SDK1: variants seen among roughly 807,000 people sequenced by gnomAD.
SDK1 encodes sidekick cell adhesion molecule 1, also known as protein sidekick-1.
In SDK1, 157 loss-of-function variants were observed where a neutral mutation model predicts 245.5. That is an observed-to-expected ratio of 0.64 (90% confidence interval 0.56 to 0.73). The LOEUF (loss-of-function observed/expected upper bound fraction) is 0.73. SDK1 is among the 30% of genes least tolerant of loss of function. The pLI is 0.00. For missense variants in SDK1, 3,583 were observed against 3,002.3 expected (o/e 1.19, Z -4.52); for synonymous variants, 1,647 against 1,278.5 (o/e 1.29, Z -6.15).
intron 1 of SDK1, among the ~76,000 whole-genome samples, chr7:3,399,175 A>G (rs1298016174): frequency 6.6e-6 from 1 of 151,778 alleles, no homozygotes; most frequent in East Asian, 1.9e-4. Context: ...TCCTCAGACC[A>G]CATAATCTCA....
intron 5 of SDK1, among the ~76,000 whole-genome samples, chr7:3,941,825 G>T (rs887417507): frequency 4.6e-5 from 7 of 151,718 alleles, no homozygotes; most frequent in African/African-American, 1.5e-4. Context: ...ATAAGAGGCA[G>T]TTGTTACAGT....
rs368593218 is a variant in SDK1 at position 3,821,431 on chromosome 7, C to T, written c.714-19C>T. The T allele has an allele frequency of 4.5e-5, 72 of 1,609,684 alleles. No homozygotes were observed. The African/African-American group carries it at 8.4e-4, about 19-fold the overall frequency. ...TCCCTGGAGTAGCTTTGACACTGTC[C>T]TCTTCTTTTCTGAAACAGAGCCATC... On this transcript the variant is annotated intron_variant, in intron 4 of 44. Coordinates refer to ENST00000404826, the MANE Select transcript of SDK1 (RefSeq NM_152744.4).
At chr7:4,073,222 C>T (rs1387527119) in intron 20 of SDK1, among the ~76,000 whole-genome samples, 2 of 152,142 alleles carry the variant, frequency 1.3e-5, no homozygotes, top group African/African-American at 4.8e-5. Context: ...CCAGCACTGC[C>T]TGAGCCCTCC....
chr7:3,797,972 T>C (rs907277497), intron 4 of SDK1, among the ~76,000 whole-genome samples: 2 of 152,190 alleles, frequency 1.3e-5, no homozygotes, highest in African/African-American at 4.8e-5. Context: ...AAGAGAGTTC[T>C]GGTTTTCCCT....
chr7:3,979,646 A>G (rs1583709661), intron 13 of SDK1, among the ~76,000 whole-genome samples: 1 of 152,128 alleles, frequency 6.6e-6, no homozygotes, highest in African/African-American at 2.4e-5. Context: ...AGATGGTTCC[A>G]TGAGGCAGCC....
At chr7:3,984,724 C>G (rs1783687913) in intron 13 of SDK1, among the ~76,000 whole-genome samples, 1 of 152,180 alleles carries the variant, frequency 6.6e-6, no homozygotes, top group Admixed American at 6.5e-5. Context: ...CTCTAACCCA[C>G]CTTTAGTTTC....
intron 4 of SDK1, among the ~76,000 whole-genome samples, chr7:3,646,246 C>A (rs1231021344): frequency 6.6e-6 from 1 of 152,284 alleles, no homozygotes; most frequent in East Asian, 1.9e-4. Flanking sequence ...CATTTTCTCT[C>A]CCCACCTCCA....
chr7:3,806,129 C>T (rs1053172975), intron 4 of SDK1, among the ~76,000 whole-genome samples: 1 of 152,230 alleles, frequency 6.6e-6, no homozygotes, highest in East Asian at 1.9e-4. Context: ...AAACTTTCTC[C>T]TCTGCCAGTG....
chr7:4,118,740 G>T (rs532649176), intron 25 of SDK1, among the ~76,000 whole-genome samples: 2 of 149,224 alleles, frequency 1.3e-5, no homozygotes, highest in Admixed American at 1.3e-4. Context: ...GGATGATTCA[G>T]CAATAAAAAG....
chr7:3,556,579 G>T (rs1206474024), intron 1 of SDK1, among the ~76,000 whole-genome samples: 1 of 152,018 alleles, frequency 6.6e-6, no homozygotes, highest in Admixed American at 6.6e-5. Flanking sequence ...CCAGCACTTT[G>T]GGAGGCTGAG....
intron 4 of SDK1, among the ~76,000 whole-genome samples, chr7:3,686,909 C>G (rs1040151081): frequency 2.6e-5 from 4 of 152,128 alleles, no homozygotes; most frequent in Non-Finnish European, 4.4e-5. Context: ...CCTGGAGCAA[C>G]TGGGGTAGGC....
chr7:4,076,760 ATGGTCCCCTGTGG>A (rs1347353044), intron 20 of SDK1, among the ~76,000 whole-genome samples: 2 of 152,096 alleles, frequency 1.3e-5, no homozygotes, highest in African/African-American at 2.4e-5. Flanking sequence ...GTAGGGAGGG[ATGGTCCCCTGTGG>A]TGGGACCGTC....
rs773698606 is a variant in SDK1 at position 4,174,286 on chromosome 7, A to G, written c.4865A>G (p.Glu1622Gly). 1.9e-6 allele frequency: 3 copies of G among 1,613,940 alleles called. No homozygotes were observed. The highest frequency in any genetic ancestry group is 2.5e-6 in the Non-Finnish European group (3 of 1,179,810). Residue 1622 changes from glutamate to glycine, a missense_variant, in exon 33 of 45, where the codon GAG (glutamate) becomes GGG (glycine). Glu to Gly is a moderately conservative substitution (Grantham distance 98, BLOSUM62 -2). Coordinates refer to ENST00000404826, the MANE Select transcript of SDK1 (RefSeq NM_152744.4). ...QGYRIYYREL[E>G]YEAGSGTEAK... ...TACAGGATCTACTACAGGGAGCTGG[A>G]GTATGAAGCCGGGTCAGGCACTGAG...
chr7:3,301,474 CG>C lies in SDK1; in HGVS notation c.-110del, dbSNP rs1779253590. On this transcript the variant is annotated 5_prime_UTR_variant, in exon 1 of 45. Coordinates refer to ENST00000404826, the MANE Select transcript of SDK1 (RefSeq NM_152744.4). ...CTCAGCGCTGGGCGGCCGCTCACCT[CG>C]GGCCGGGGGGCGCCGCGCCTCCCGC... 2 of 246,716 alleles carry C rather than the reference CG, an allele frequency of 8.1e-6. No homozygotes were observed. Among genetic ancestry groups the C allele is most frequent in the Non-Finnish European group, 1.3e-5 (2 of 158,010 alleles). The allele number at this position is 246,716 out of a possible 1,614,324, so 15.3% of individuals were successfully genotyped here.
intron 1 of SDK1, among the ~76,000 whole-genome samples, chr7:3,333,350 T>C (rs1347979974): frequency 6.6e-6 from 1 of 151,864 alleles, no homozygotes; most frequent in Admixed American, 6.6e-5. Context: ...ATGAAAGGAG[T>C]GTGCCATTTT....
chr7:3,731,471 G>T (rs376519939), intron 4 of SDK1, among the ~76,000 whole-genome samples: 4 of 152,160 alleles, frequency 2.6e-5, no homozygotes, highest in Admixed American at 2.6e-4. Context: ...GACAGCTTCC[G>T]ACGAGTTGCC....
chr7:3,914,637 T>A (rs1779303063), intron 5 of SDK1, among the ~76,000 whole-genome samples: 1 of 152,204 alleles, frequency 6.6e-6, no homozygotes, highest in African/African-American at 2.4e-5. Flanking sequence ...TTCCCAACTC[T>A]TATTGCAAAA....
intron 7 of SDK1, among the ~76,000 whole-genome samples, chr7:3,957,365 G>A (rs930169112): frequency 3.3e-5 from 5 of 152,190 alleles, no homozygotes; most frequent in Non-Finnish European, 5.9e-5. Context: ...ATGATGTTAT[G>A]CTATCGTTTT....
At chr7:3,395,676 C>G (rs563028046) in intron 1 of SDK1, among the ~76,000 whole-genome samples, 1 of 151,844 alleles carries the variant, frequency 6.6e-6, no homozygotes, top group African/African-American at 2.4e-5. Context: ...TTTGTACTTG[C>G]TGTAGATGTA....
Sources: allele counts gnomAD v4.1 joint callset (sites outside exome capture counted in the v4.1 genomes callset), GRCh38; gene constraint gnomAD v4.1.1; transcripts MANE v1.5; gene names NCBI Gene and HGNC (gene_info 2026-07-23, HGNC 2026-07-21).